ITGA2: variants seen among roughly 807,000 people sequenced by gnomAD.
ITGA2 encodes integrin subunit alpha 2.
ITGA2 carries 101 observed loss-of-function variants against 146.3 expected under a neutral mutation model. The ratio of observed to expected loss-of-function variants is 0.69; its 90% CI spans 0.59 to 0.81. The LOEUF (loss-of-function observed/expected upper bound fraction) is 0.81. Among genes scored for constraint, ITGA2 ranks in the 40% least tolerant of loss-of-function variants. ITGA2 has a pLI of 0.00. For synonymous variants in ITGA2, 477 were observed against 487.1 expected (o/e 0.98, Z 0.27); for missense variants, 1,281 against 1,402.7 (o/e 0.91, Z 1.39).
rs1428452034 is a variant in ITGA2, at chr5:53,060,016, A to G, written c.1312+4A>G. On this transcript the variant is annotated splice_donor_region_variant and intron_variant, in intron 11 of 29. Coordinates refer to ENST00000296585, the MANE Select transcript of ITGA2 (RefSeq NM_002203.4). ...AGAAATCACAGTTCATATTTAGGTA[A>G]GGCATGGTAATAATTGGCTCAGCAA... The G allele has an allele frequency of 1.9e-6, 3 of 1,612,018 alleles. No individual in the cohort carries two copies. The highest frequency in any genetic ancestry group is 2.5e-6 in the Non-Finnish European group (3 of 1,178,684).
intron 3 of ITGA2, among the ~76,000 whole-genome samples, chr5:53,042,952 G>C (rs1213238799): frequency 6.6e-6 from 1 of 152,108 alleles, no homozygotes; most frequent in East Asian, 1.9e-4. Context: ...TTCAAAAATA[G>C]TGATTAAGAC....
In ITGA2 at chr5:53,094,731, T is replaced by C. The variant is rs1440554199; in HGVS notation, c.*4132T>C. 6.6e-6 allele frequency: 1 copy of C among 152,230 alleles called. No individual in the cohort carries two copies. The highest frequency in any genetic ancestry group is 1.5e-5 in the Non-Finnish European group (1 of 68,044). 9.4% of individuals were successfully genotyped at this position (152,230 alleles called of 1,614,324 possible). On this transcript the variant is annotated 3_prime_UTR_variant, in exon 30 of 30. Transcript: ENST00000296585. The stretch of plus-strand genomic sequence containing the variant: ...TTCATACCACATTATTGAATATTGT[T>C]ACAATTGTTTTGAAAATAAAGCCAT...
chr5:53,071,844 A>T (rs1290022542), intron 17 of ITGA2, 94 bp from the exon 18 acceptor site: 2 of 867,966 alleles, frequency 2.3e-6, no homozygotes, highest in African/African-American at 3.3e-5. Flanking sequence ...CTAAATTGTA[A>T]ACACATTTGG....
chr5:53,045,673 A>T (rs1286556395), intron 4 of ITGA2, among the ~76,000 whole-genome samples: 1 of 150,964 alleles, frequency 6.6e-6, no homozygotes, highest in Non-Finnish European at 1.5e-5. Context: ...AAGTTAATAT[A>T]AAAAAACTAG....
At chr5:53,040,647 A>G (rs189849858) in intron 2 of ITGA2, among the ~76,000 whole-genome samples, 2 of 152,334 alleles carry the variant, frequency 1.3e-5, no homozygotes. Flanking sequence ...AGAAGAAAAA[A>G]TCTTTCAACT....
At chr5:53,021,920 C>G (rs1228821765) in intron 1 of ITGA2, among the ~76,000 whole-genome samples, 1 of 152,134 alleles carries the variant, frequency 6.6e-6, no homozygotes, top group Non-Finnish European at 1.5e-5. Flanking sequence ...ATGTATGTCC[C>G]TGGGCACGTT....
At chr5:53,069,704 T>C (rs1360568383) in intron 16 of ITGA2, among the ~76,000 whole-genome samples, 1 of 151,956 alleles carries the variant, frequency 6.6e-6, no homozygotes, top group Non-Finnish European at 1.5e-5. Context: ...AAAACTTGTA[T>C]GGCATACATG....
chr5:53,035,301 T>A (rs1249661593), intron 2 of ITGA2, among the ~76,000 whole-genome samples: 1 of 152,242 alleles, frequency 6.6e-6, no homozygotes, highest in African/African-American at 2.4e-5. Context: ...GAAAACTGCA[T>A]GTCGGATGAG....
chr5:53,023,695 C>T (rs1023785749), intron 1 of ITGA2, among the ~76,000 whole-genome samples: 2 of 152,024 alleles, frequency 1.3e-5, no homozygotes, highest in African/African-American at 4.8e-5. Context: ...CAAGATGAAC[C>T]AAATATGGTT....
In ITGA2 at chr5:53,094,491, TAA is replaced by T. The variant is rs1432023685; in HGVS notation, c.*3893_*3894del. ...GATATTTTCCTTTATACATAATAGA[TAA>T]GTCTTTTTTCAAATGTGGTGTTTGA... is the stretch of plus-strand genomic sequence containing the variant. On this transcript the variant is annotated 3_prime_UTR_variant, in exon 30 of 30. Coordinates refer to ENST00000296585, the MANE Select transcript of ITGA2 (RefSeq NM_002203.4). The T allele has an allele frequency of 1.3e-5, 2 of 152,180 alleles. No homozygotes were observed. Among genetic ancestry groups the T allele is most frequent in the Non-Finnish European group, 2.9e-5 (2 of 68,004 alleles). The allele number at this position is 152,180 out of a possible 1,614,324, so 9.4% of individuals were successfully genotyped here.
chr5:53,081,199 T>A (rs918412981), intron 25 of ITGA2, among the ~76,000 whole-genome samples: 1 of 152,178 alleles, frequency 6.6e-6, no homozygotes, highest in African/African-American at 2.4e-5. Context: ...GCCAAACCTC[T>A]TGACATTGGC....
intron 2 of ITGA2, among the ~76,000 whole-genome samples, chr5:53,040,594 G>A (rs1227525431): frequency 6.6e-6 from 1 of 151,978 alleles, no homozygotes; most frequent in Non-Finnish European, 1.5e-5. Context: ...CCTAACTATG[G>A]TAATATTTTA....
chr5:53,036,587 T>A (rs1013623363), intron 2 of ITGA2, among the ~76,000 whole-genome samples: 5 of 152,158 alleles, frequency 3.3e-5, no homozygotes, highest in African/African-American at 1.2e-4. Flanking sequence ...CAGTGAGGCC[T>A]TCCCTGACCA....
intron 27 of ITGA2, among the ~76,000 whole-genome samples, chr5:53,085,707 T>C (rs958921695): frequency 2.0e-5 from 3 of 152,144 alleles, no homozygotes; most frequent in African/African-American, 7.2e-5. Context: ...TCTTTCTGGC[T>C]CCCAGATATT....
intron 1 of ITGA2, among the ~76,000 whole-genome samples, chr5:53,008,539 A>G (rs1289343888): frequency 6.6e-6 from 1 of 152,004 alleles, no homozygotes; most frequent in African/African-American, 2.4e-5. Flanking sequence ...TTTCTTTGAT[A>G]TGAACACAAA....
In ITGA2 at chr5:53,079,405, T is replaced by A. The variant is rs930624297; in HGVS notation, c.2928+531T>A. On this transcript the variant is annotated intron_variant, in intron 24 of 29. Transcript: ENST00000296585. ...AAATCTGTACAGTAATACTAGGTAG[T>A]ATCTAAAAATATTTTTGAACCAAAT... 3.3e-4 allele frequency among the ~76,000 whole-genome samples: 51 copies of A among 152,262 alleles called. 1 individual carries two copies. The highest frequency in any genetic ancestry group is 1.2e-3 in the African/African-American group (49 of 41,580).
At chr5:53,041,690 A>T (rs532692116) in intron 2 of ITGA2, among the ~76,000 whole-genome samples, 1 of 152,328 alleles carries the variant, frequency 6.6e-6, no homozygotes, top group South Asian at 2.1e-4. Context: ...GACTTAGGAA[A>T]AATGAATGTC....
intron 3 of ITGA2, among the ~76,000 whole-genome samples, chr5:53,044,569 C>T (rs570557454): frequency 2.8e-4 from 43 of 151,800 alleles, no homozygotes; most frequent in African/African-American, 9.9e-4. Context: ...CCCACTATTG[C>T]TTTGAGCCAG....
At chr5:53,043,161 C>A (rs1344966239) in intron 3 of ITGA2, among the ~76,000 whole-genome samples, 1 of 151,718 alleles carries the variant, frequency 6.6e-6, no homozygotes, top group Non-Finnish European at 1.5e-5. Flanking sequence ...TGTGGGTGAT[C>A]TAGATCAGTG....
Sources: gnomAD v4.1 joint callset for allele counts (sites outside exome capture counted in the v4.1 genomes callset) on GRCh38, gnomAD v4.1.1 for gene constraint, MANE v1.5 for transcripts, NCBI Gene and HGNC (gene_info 2026-07-23, HGNC 2026-07-21) for gene names.